The following HMG20A variants were observed in gnomAD, a reference collection of about 807,000 sequenced individuals.
The protein encoded by HMG20A is high mobility group 20A.
In HMG20A, 17 loss-of-function variants were observed where a neutral mutation model predicts 43.9. The observed-to-expected ratio is 0.39, with a 90% CI of 0.27 to 0.58. HMG20A has a LOEUF of 0.58. Among genes scored for constraint, HMG20A ranks in the 20% least tolerant of loss-of-function variants. The pLI is 0.59. For synonymous variants in HMG20A, 132 were observed against 147.5 expected (o/e 0.89, Z 0.76); for missense variants, 341 against 438.2 (o/e 0.78, Z 1.98).
chr15:77,467,050 GGTT>G (rs777749673), intron 3 of HMG20A, 42 bp from the exon 4 acceptor site: 2 of 1,498,442 alleles, frequency 1.3e-6, no homozygotes, highest in South Asian at 2.4e-5. Flanking sequence ...TTTGGGAGAT[GGTT>G]GTTGTTTGGT....
intron 1 of HMG20A, among the ~76,000 whole-genome samples, chr15:77,440,368 G>A (rs1317530700): frequency 2.6e-5 from 4 of 152,130 alleles, no homozygotes; most frequent in African/African-American, 9.7e-5. Context: ...GGATAGAAAT[G>A]TACTGTTTTC....
At chr15:77,448,711 A>G (rs1299098610) in intron 1 of HMG20A, among the ~76,000 whole-genome samples, 3 of 152,130 alleles carry the variant, frequency 2.0e-5, no homozygotes, top group Non-Finnish European at 1.5e-5. Context: ...AATGCCCAGG[A>G]TAGTAGATAA....
chr15:77,467,392 A>G, intron 4 of HMG20A, 85 bp downstream of exon 4: 1 of 1,164,800 alleles, frequency 8.6e-7, no homozygotes, highest in Non-Finnish European at 1.2e-6. Flanking sequence ...GAGGATGGAC[A>G]GTTGATTCTG....
chr15:77,487,275 CAATACAGG>C (rs1310770282), downstream of HMG20A, among the ~76,000 whole-genome samples: 29 of 152,286 alleles, frequency 1.9e-4, no homozygotes, highest in South Asian at 6.0e-3. Context: ...CTGTGCCCAA[CAATACAGG>C]TTTTAGTAAG....
chr15:77,423,334 T>G (rs1457233672), intron 1 of HMG20A, among the ~76,000 whole-genome samples: 1 of 152,150 alleles, frequency 6.6e-6, no homozygotes, highest in African/African-American at 2.4e-5. Flanking sequence ...GTTTTTATTC[T>G]TTTTAAAAAT....
chr15:77,507,618 T>G, the HMG20A span, among the ~76,000 whole-genome samples: 1 of 152,194 alleles, frequency 6.6e-6, no homozygotes, highest in Non-Finnish European at 1.5e-5. Context: ...GCTGCGTGTC[T>G]CATACTCCAG....
intron 2 of HMG20A, 120 bp from the exon 3 acceptor site, chr15:77,464,120 A>C: frequency 9.0e-7 from 1 of 1,112,962 alleles, no homozygotes; most frequent in Admixed American, 2.4e-5. Flanking sequence ...ACATTTATAC[A>C]GATTATTGGG....
chr15:77,472,702 T>A (rs2072820921), intron 6 of HMG20A, among the ~76,000 whole-genome samples: 1 of 152,270 alleles, frequency 6.6e-6, no homozygotes, highest in Non-Finnish European at 1.5e-5. Flanking sequence ...TCTGTGTGTG[T>A]ATGGGATTTA....
chr15:77,497,970 CA>C, the HMG20A span, among the ~76,000 whole-genome samples: 2 of 151,944 alleles, frequency 1.3e-5, no homozygotes, highest in African/African-American at 4.8e-5. Flanking sequence ...GCAGTCCTGA[CA>C]AGGTCAACAA....
intron 1 of HMG20A, 31 bp downstream of exon 1, chr15:77,421,035 C>G (rs1324689108): frequency 2.5e-6 from 1 of 398,428 alleles, no homozygotes; most frequent in Non-Finnish European, 4.4e-6. Flanking sequence ...TGGGGGTGGC[C>G]CCAGTCGAGA....
chr15:77,427,297 G>T (rs2142267840), intron 1 of HMG20A, among the ~76,000 whole-genome samples: 1 of 152,220 alleles, frequency 6.6e-6, no homozygotes, highest in African/African-American at 2.4e-5. Context: ...ATATTTGAGT[G>T]CCTTTTATGT....
At chr15:77,506,085 A>C in the HMG20A span, among the ~76,000 whole-genome samples, 11,785 of 151,998 alleles carry the variant, frequency 0.078, 581 homozygotes, top group Non-Finnish European at 0.11. Flanking sequence ...AAAAAAAAAA[A>C]AAAAAACCCT....
intron 1 of HMG20A, among the ~76,000 whole-genome samples, chr15:77,427,988 A>G (rs2073443482): frequency 6.6e-6 from 1 of 152,194 alleles, no homozygotes; most frequent in South Asian, 2.1e-4. Flanking sequence ...TTATTCTCAT[A>G]CTGCATGATC....
At chr15:77,440,853 A>G (rs2073604638) in intron 1 of HMG20A, among the ~76,000 whole-genome samples, 1 of 152,202 alleles carries the variant, frequency 6.6e-6, no homozygotes, top group Admixed American at 6.5e-5. Context: ...TGACTATCAC[A>G]GTAAACATTT....
chr15:77,501,016 C>T, the HMG20A span, among the ~76,000 whole-genome samples: 17 of 152,296 alleles, frequency 1.1e-4, no homozygotes, highest in African/African-American at 4.1e-4. Flanking sequence ...ACTCAGAATT[C>T]ACGGCTCCAG....
At chr15:77,490,448 T>C (rs2072966452), downstream of HMG20A, among the ~76,000 whole-genome samples, 1 of 152,090 alleles carries the variant, frequency 6.6e-6, no homozygotes, top group African/African-American at 2.4e-5. Context: ...AAAAGGCAGA[T>C]TAATTCAGGA....
the HMG20A span, among the ~76,000 whole-genome samples, chr15:77,513,353 T>G: frequency 6.6e-6 from 1 of 152,162 alleles, no homozygotes; most frequent in Middle Eastern, 3.2e-3. Context: ...TATGACCCAC[T>G]CCTGGGGACA....
intron 1 of HMG20A, among the ~76,000 whole-genome samples, chr15:77,436,647 C>G (rs540484477): frequency 4.0e-5 from 6 of 151,862 alleles, no homozygotes; most frequent in Admixed American, 1.3e-4. Context: ...TTAGTAGAGA[C>G]TGGATCTCAC....
rs1003534830 is a variant in HMG20A, at chr15:77,467,008, G to C, written c.238-87G>C. 7 of 1,092,188 alleles carry C rather than the reference G, an allele frequency of 6.4e-6. No homozygotes were observed. The Admixed American group carries it at 1.1e-4, about 18-fold the overall frequency. The allele number at this position is 1,092,188 out of a possible 1,614,324, so 67.7% of individuals were successfully genotyped here. ...TGCAACTCTTAATCCTGTTTTGTTTGTTGTTGTTTGTTTTTGTTGTTGTTG... is the reference window on the plus strand; with the variant it reads ...TGCAACTCTTAATCCTGTTTTGTTTCTTGTTGTTTGTTTTTGTTGTTGTTG... On this transcript the variant is annotated intron_variant, in intron 3 of 9. Coordinates refer to ENST00000336216, the MANE Select transcript of HMG20A (RefSeq NM_001304504.2).
Sources: gnomAD v4.1 joint callset for allele counts (sites outside exome capture counted in the v4.1 genomes callset) on GRCh38, gnomAD v4.1.1 for gene constraint, MANE v1.5 for transcripts, NCBI Gene and HGNC (gene_info 2026-07-23, HGNC 2026-07-21) for gene names.